The following RNF180 variants were observed in gnomAD, a reference collection of about 807,000 sequenced individuals.
The protein encoded by RNF180 is ring finger protein 180.
In RNF180, 38 loss-of-function variants were observed where a neutral mutation model predicts 59.2. The ratio of observed to expected loss-of-function variants is 0.64; its 90% CI spans 0.50 to 0.84. The LOEUF is 0.84. Ranked by LOEUF, RNF180 falls within the 40% of genes least tolerant of loss-of-function variation. RNF180 has a pLI of 0.00. For missense variants in RNF180, 705 were observed against 700.9 expected, an observed-to-expected ratio of 1.01 and a Z score of -0.07; for synonymous variants, 262 against 240.3, an observed-to-expected ratio of 1.09 and a Z score of -0.84.
chr5:64,237,165 G>A (rs534789866), intron 5 of RNF180, among the ~76,000 whole-genome samples: 11 of 152,310 alleles, frequency 7.2e-5, no homozygotes, highest in East Asian at 1.9e-4. Flanking sequence ...GGCATTCAGC[G>A]CCAGTGTGTG....
intron 7 of RNF180, among the ~76,000 whole-genome samples, chr5:64,341,612 T>G (rs1306532464): frequency 1.3e-5 from 2 of 152,020 alleles, no homozygotes; most frequent in Non-Finnish European, 2.9e-5. Context: ...AGGCCTTAAG[T>G]GAGATGATGG....
chr5:64,361,037 A>G (rs1746235797), intron 7 of RNF180, among the ~76,000 whole-genome samples: 1 of 151,700 alleles, frequency 6.6e-6, no homozygotes, highest in South Asian at 2.1e-4. Flanking sequence ...TCTTTCAAAA[A>G]TAGTCCAGAA....
chr5:64,346,866 C>A (rs533325959), intron 7 of RNF180, among the ~76,000 whole-genome samples: 2 of 152,048 alleles, frequency 1.3e-5, no homozygotes, highest in East Asian at 3.9e-4. Flanking sequence ...GACTTGGGAA[C>A]GTAAGAATAG....
chr5:64,252,258 G>A (rs1012311893), intron 5 of RNF180, among the ~76,000 whole-genome samples: 6 of 152,124 alleles, frequency 3.9e-5, no homozygotes, highest in Admixed American at 1.3e-4. Flanking sequence ...CAACAAAGGT[G>A]CCAAGAACAC....
chr5:64,319,713 A>T (rs1176517177), intron 5 of RNF180, among the ~76,000 whole-genome samples: 1 of 152,218 alleles, frequency 6.6e-6, no homozygotes, highest in Non-Finnish European at 1.5e-5. Flanking sequence ...TGAGAGTATT[A>T]TCTGGCTGAG....
intron 5 of RNF180, among the ~76,000 whole-genome samples, chr5:64,298,378 T>C (rs2112446453): frequency 6.6e-6 from 1 of 152,162 alleles, no homozygotes; most frequent in South Asian, 2.1e-4. Flanking sequence ...TTTTTGTGTT[T>C]TATATTTAAG....
intron 5 of RNF180, among the ~76,000 whole-genome samples, chr5:64,299,308 C>A (rs974133142): frequency 1.3e-5 from 2 of 151,822 alleles, no homozygotes; most frequent in African/African-American, 4.8e-5. Context: ...TTTTTCTTGG[C>A]AACTCAGGGT....
intron 5 of RNF180, among the ~76,000 whole-genome samples, chr5:64,277,422 G>A (rs1045454188): frequency 6.6e-6 from 1 of 152,116 alleles, no homozygotes; most frequent in Non-Finnish European, 1.5e-5. Context: ...AAATAAATAA[G>A]CAGTGTACTT....
intron 7 of RNF180, among the ~76,000 whole-genome samples, chr5:64,361,428 C>A (rs1746249086): frequency 6.6e-6 from 1 of 151,458 alleles, no homozygotes; most frequent in Non-Finnish European, 1.5e-5. Context: ...ATATGAACAT[C>A]TTCAGAGATA....
intron 1 of RNF180, among the ~76,000 whole-genome samples, chr5:64,183,196 T>TA (rs553258708): frequency 7.0e-4 from 107 of 152,334 alleles, no homozygotes; most frequent in African/African-American, 2.4e-3. Flanking sequence ...AGAAGTCACT[T>TA]AACTTCTAGG....
intron 5 of RNF180, among the ~76,000 whole-genome samples, chr5:64,223,050 T>C (rs1288514333): frequency 6.6e-6 from 1 of 152,216 alleles, no homozygotes; most frequent in East Asian, 1.9e-4. Context: ...TATCATCTTA[T>C]AGTTCTGAAG....
chr5:64,328,736 A>G (rs1185904004), intron 6 of RNF180, among the ~76,000 whole-genome samples: 1 of 152,196 alleles, frequency 6.6e-6, no homozygotes, highest in Non-Finnish European at 1.5e-5. Flanking sequence ...TAAATTTCTT[A>G]GGTAAAAATC....
chr5:64,165,691 T>C (rs867523508), upstream of RNF180, among the ~76,000 whole-genome samples: 101 of 152,180 alleles, frequency 6.6e-4, no homozygotes, highest in African/African-American at 2.2e-3. Flanking sequence ...CACGCGCGGC[T>C]CGGGTGGGAA....
intron 5 of RNF180, among the ~76,000 whole-genome samples, chr5:64,263,471 A>G (rs950254258): frequency 2.0e-5 from 3 of 152,180 alleles, no homozygotes; most frequent in African/African-American, 7.2e-5. Context: ...TTAAAAGAAA[A>G]TTAACTATGT....
At chr5:64,323,075 T>C (rs1361346989) in intron 5 of RNF180, among the ~76,000 whole-genome samples, 1 of 152,220 alleles carries the variant, frequency 6.6e-6, no homozygotes, top group Non-Finnish European at 1.5e-5. Flanking sequence ...GAATAAAATA[T>C]AGTTAAAATG....
chr5:64,274,613 T>C (rs1322340752), intron 5 of RNF180, among the ~76,000 whole-genome samples: 1 of 152,044 alleles, frequency 6.6e-6, no homozygotes, highest in Non-Finnish European at 1.5e-5. Context: ...AATGTTATTT[T>C]CTCTGTTCAG....
chr5:64,344,510 ATCTC>A (rs769484491), intron 7 of RNF180, among the ~76,000 whole-genome samples: 1 of 143,692 alleles, frequency 7.0e-6, no homozygotes, highest in South Asian at 2.2e-4. Flanking sequence ...CAACACATCT[ATCTC>A]AGGAACTGCT....
At chr5:64,175,367 A>C (rs892835398) in intron 1 of RNF180, among the ~76,000 whole-genome samples, 1 of 152,148 alleles carries the variant, frequency 6.6e-6, no homozygotes, top group Non-Finnish European at 1.5e-5. Flanking sequence ...AGTATCATTT[A>C]TTTAAGAGAC....
intron 5 of RNF180, among the ~76,000 whole-genome samples, chr5:64,237,835 C>G (rs1365513477): frequency 6.6e-6 from 1 of 152,132 alleles, no homozygotes; most frequent in Non-Finnish European, 1.5e-5. Flanking sequence ...CTCTCTCTCT[C>G]TCTTTCTCTT....
Sources: allele counts gnomAD v4.1 joint callset (sites outside exome capture counted in the v4.1 genomes callset), GRCh38; gene constraint gnomAD v4.1.1; transcripts MANE v1.5; gene names NCBI Gene and HGNC (gene_info 2026-07-23, HGNC 2026-07-21).